MTF2: variants seen among roughly 807,000 people sequenced by gnomAD.
MTF2 encodes the protein metal-response element-binding transcription factor 2.
MTF2 carries 11 observed loss-of-function variants against 79.5 expected under a neutral mutation model. The observed-to-expected ratio is 0.14, with a 90% CI of 0.09 to 0.23. The LOEUF (loss-of-function observed/expected upper bound fraction) is 0.23, where lower values mean the gene tolerates loss of function less well. Ranked by LOEUF, MTF2 falls within the 10% of genes least tolerant of loss-of-function variation. The pLI, the probability that MTF2 is intolerant of heterozygous loss-of-function variation, is 1.00. For missense variants in MTF2, 486 were observed against 711.2 expected, an observed-to-expected ratio of 0.68 and a Z score of 3.60; for synonymous variants, 208 against 232.8, an observed-to-expected ratio of 0.89 and a Z score of 0.97.
intron 9 of MTF2, among the ~76,000 whole-genome samples, chr1:93,125,330 A>G (rs1233872666): frequency 1.4e-5 from 2 of 139,032 alleles, no homozygotes; most frequent in African/African-American, 5.2e-5. Flanking sequence ...TTTTATGGTT[A>G]GCAAACACTG....
chr1:93,115,229 A>G (rs1656202170), intron 5 of MTF2, 141 bp downstream of exon 5: 1 of 701,344 alleles, frequency 1.4e-6, no homozygotes, highest in South Asian at 2.2e-5. Context: ...TATTTGACTA[A>G]TGATGCTTAA....
chr1:93,079,669 G>A (rs1654517216), intron 1 of MTF2, 138 bp downstream of exon 1: 2 of 1,070,822 alleles, frequency 1.9e-6, no homozygotes, highest in Admixed American at 4.1e-5. Context: ...GGGTGCCTTT[G>A]CATTTATGTG....
chr1:93,102,508 C>T (rs1001098990), intron 1 of MTF2, among the ~76,000 whole-genome samples: 6 of 152,138 alleles, frequency 3.9e-5, no homozygotes, highest in African/African-American at 1.4e-4. Flanking sequence ...GGGAGGATCC[C>T]TTGAGCCCGG....
At chr1:93,105,260 C>T (rs551915320) in intron 1 of MTF2, among the ~76,000 whole-genome samples, 32 of 151,620 alleles carry the variant, frequency 2.1e-4, no homozygotes, top group Admixed American at 1.4e-3. Context: ...AGACATTAAG[C>T]GTGTATAACT....
chr1:93,134,846 A>G (rs1252791114), intron 14 of MTF2, among the ~76,000 whole-genome samples: 1 of 151,990 alleles, frequency 6.6e-6, no homozygotes, highest in Non-Finnish European at 1.5e-5. Context: ...AAAAAAAAAA[A>G]AAAAATCAGA....
intron 11 of MTF2, among the ~76,000 whole-genome samples, chr1:93,131,342 A>G (rs1410195942): frequency 6.6e-6 from 1 of 152,200 alleles, no homozygotes; most frequent in Non-Finnish European, 1.5e-5. Context: ...AAAAATATTT[A>G]TTGCATAAGG....
intron 6 of MTF2, among the ~76,000 whole-genome samples, chr1:93,117,452 T>TTTA (rs1656292149): frequency 6.6e-6 from 1 of 152,212 alleles, no homozygotes; most frequent in African/African-American, 2.4e-5. Context: ...CATCTTTAGC[T>TTTA]TTCTCAAACA....
In MTF2 at chr1:93,136,781, C is replaced by T; in HGVS notation, c.1536C>T (p.Asn512=). 2 of 1,614,114 alleles carry T rather than the reference C, an allele frequency of 1.2e-6. No homozygotes were observed. The highest frequency in any genetic ancestry group is 1.3e-5 in the African/African-American group (1 of 75,030). The change falls in exon 15 of 15, where the codon AAC becomes AAT. Residue 512 remains asparagine, a synonymous_variant. Coordinates refer to ENST00000370298, the MANE Select transcript of MTF2 (RefSeq NM_007358.4). ...CAAGAAGAGCACTCCAGACTCAGAA[C>T]TCAGAAATTGTAAAAGATGATGAAG... ...RLPRRALQTQ[N]SEIVKDDEGK...
chr1:93,127,135 A>T (rs489183), intron 9 of MTF2, 97 bp from the exon 10 acceptor site: 95,917 of 793,738 alleles, frequency 0.12, 7,511 homozygotes, highest in East Asian at 0.29. Context: ...ACCAATCAGT[A>T]CACTTTTCCT....
chr1:93,112,419 G>A (rs1052515808), intron 3 of MTF2, among the ~76,000 whole-genome samples: 5 of 152,118 alleles, frequency 3.3e-5, no homozygotes, highest in Admixed American at 6.5e-5. Flanking sequence ...TCAACAGGGT[G>A]AAATATATCA....
chr1:93,089,302 T>G (rs1463933942), intron 1 of MTF2, among the ~76,000 whole-genome samples: 1 of 152,162 alleles, frequency 6.6e-6, no homozygotes, highest in Non-Finnish European at 1.5e-5. Context: ...AATATGTGCT[T>G]TTATAGGATA....
At chr1:93,094,149 G>A (rs1457901095) in intron 1 of MTF2, among the ~76,000 whole-genome samples, 1 of 151,972 alleles carries the variant, frequency 6.6e-6, no homozygotes, top group Non-Finnish European at 1.5e-5. Context: ...ACTTCTTTCA[G>A]TACTGGGATG....
intron 3 of MTF2, among the ~76,000 whole-genome samples, chr1:93,111,757 A>T (rs1328545984): frequency 6.6e-6 from 1 of 152,140 alleles, no homozygotes; most frequent in Non-Finnish European, 1.5e-5. Context: ...ATTTAAAGGG[A>T]TAGGAGATCT....
intron 6 of MTF2, among the ~76,000 whole-genome samples, chr1:93,117,119 A>G (rs1656280271): frequency 6.6e-6 from 1 of 152,224 alleles, no homozygotes; most frequent in Non-Finnish European, 1.5e-5. Context: ...AATAGTGCTA[A>G]TAGACTGAAT....
At chr1:93,102,036 G>A (rs1655568738) in intron 1 of MTF2, among the ~76,000 whole-genome samples, 1 of 152,112 alleles carries the variant, frequency 6.6e-6, no homozygotes, top group Non-Finnish European at 1.5e-5. Flanking sequence ...ATCAGGAGAG[G>A]CAGTTTGAAT....
intron 1 of MTF2, among the ~76,000 whole-genome samples, chr1:93,099,374 C>T (rs891207380): frequency 6.6e-6 from 1 of 152,000 alleles, no homozygotes; most frequent in African/African-American, 2.4e-5. Flanking sequence ...AGACCTTATG[C>T]CTAGACACAT....
chr1:93,106,806 C>T (rs1479780294), intron 1 of MTF2, among the ~76,000 whole-genome samples: 1 of 152,228 alleles, frequency 6.6e-6, no homozygotes, highest in Non-Finnish European at 1.5e-5. Context: ...CAGGCGTGAG[C>T]CACCGCATCC....
At chr1:93,097,725 G>A (rs977666492) in intron 1 of MTF2, among the ~76,000 whole-genome samples, 3 of 152,072 alleles carry the variant, frequency 2.0e-5, no homozygotes, top group Non-Finnish European at 4.4e-5. Context: ...AGCCTCCTGA[G>A]TAGCTGGGGT....
intron 1 of MTF2, among the ~76,000 whole-genome samples, chr1:93,098,044 A>G (rs1263055415): frequency 1.3e-5 from 2 of 152,158 alleles, no homozygotes; most frequent in African/African-American, 2.4e-5. Flanking sequence ...CAAAGAGGCA[A>G]TGTCTCTACT....
Sources: gnomAD v4.1 joint callset for allele counts (sites outside exome capture counted in the v4.1 genomes callset) on GRCh38, gnomAD v4.1.1 for gene constraint, MANE v1.5 for transcripts, NCBI Gene and HGNC (gene_info 2026-07-23, HGNC 2026-07-21) for gene names.